The following MRPL30 variants were observed in gnomAD, a reference collection of about 807,000 sequenced individuals.
MRPL30 encodes the protein large ribosomal subunit protein uL30m.
MRPL30 carries 10 observed loss-of-function variants against 17.2 expected under a neutral mutation model. The observed-to-expected ratio is 0.58, with a 90% CI of 0.36 to 0.99. The LOEUF (loss-of-function observed/expected upper bound fraction) is 0.99, where lower values mean the gene tolerates loss of function less well. Among genes scored for constraint, MRPL30 ranks in the 50% least tolerant of loss-of-function variants. The probability of loss-of-function intolerance (pLI) is 0.01; values close to 1 mark genes in which losing one functional copy is unlikely to be tolerated. For synonymous variants in MRPL30, 61 were observed against 62.1 expected, an observed-to-expected ratio of 0.98 and a Z score of 0.08; for missense variants, 170 against 189.8, an observed-to-expected ratio of 0.90 and a Z score of 0.61.
chr2:99,182,411 C>T (rs933508739), intron 1 of MRPL30, among the ~76,000 whole-genome samples: 18 of 152,260 alleles, frequency 1.2e-4, no homozygotes, highest in African/African-American at 3.9e-4. Flanking sequence ...AAAAATTAGC[C>T]GGGCGTCCGG....
In MRPL30 at chr2:99,196,850, T is replaced by G. The variant is rs2093955950; in HGVS notation, c.*1145T>G. On this transcript the variant is annotated 3_prime_UTR_variant, in exon 6 of 6. Transcript: ENST00000338148. ...TGTGGATATGGGTTCATTTTATCCC[T>G]AAACTTAGTACCAAACCAGCATTTA... 6.6e-6 allele frequency: 1 copy of G among 152,250 alleles called. No individual in the cohort carries two copies. The highest frequency in any genetic ancestry group is 2.4e-5 in the African/African-American group (1 of 41,454). 9.4% of individuals were successfully genotyped at this position (152,250 alleles called of 1,614,324 possible). A position where few individuals can be genotyped will look rare whatever the true frequency, so the allele number is the denominator to read the frequency against.
At chr2:99,182,014 T>C (rs2093923679) in intron 1 of MRPL30, among the ~76,000 whole-genome samples, 1 of 150,858 alleles carries the variant, frequency 6.6e-6, no homozygotes, top group South Asian at 2.1e-4. Flanking sequence ...GAACTATCGG[T>C]CGCTGGGGGG....
rs2093953130 is a variant in MRPL30 at position 99,195,197 on chromosome 2, GT to G, written c.353+11del. On this transcript the variant is annotated intron_variant, in intron 5 of 5. Coordinates refer to ENST00000338148, the MANE Select transcript of MRPL30 (RefSeq NM_145212.4). ...AGTTAAGCATTTGATAAGGTTTGTT[GT>G]TTCTTCTCAGCTCTTTTTAAAATGT... 1.9e-6 allele frequency: 3 copies of G among 1,595,346 alleles called. No homozygotes were observed. Among genetic ancestry groups the G allele is most frequent in the Non-Finnish European group, 2.6e-6 (3 of 1,167,776 alleles).
At chr2:99,195,319 A>G in intron 5 of MRPL30, 130 bp downstream of exon 5, 1 of 898,602 alleles carries the variant, frequency 1.1e-6, no homozygotes, top group Non-Finnish European at 1.6e-6. Flanking sequence ...TTTTTTTTTA[A>G]TTGACACATA....
intron 3 of MRPL30, among the ~76,000 whole-genome samples, chr2:99,188,693 A>G (rs112379468): frequency 1.1e-4 from 17 of 152,138 alleles, no homozygotes; most frequent in African/African-American, 3.9e-4. Flanking sequence ...TAAGCCCGCC[A>G]TTGATTTTTG....
Position 99,195,030 on chromosome 2 carries a change from A to G in MRPL30, c.280-86A>G. The G allele has an allele frequency of 3.6e-6, 5 of 1,405,100 alleles. No individual in the cohort carries two copies. In the South Asian group the frequency reaches 7.2e-5, roughly 20 times the overall value. 87.0% of individuals were successfully genotyped at this position (1,405,100 alleles called of 1,614,324 possible). On this transcript the variant is annotated intron_variant, in intron 4 of 5. Coordinates refer to ENST00000338148, the MANE Select transcript of MRPL30 (RefSeq NM_145212.4). The stretch of plus-strand genomic sequence containing the variant: ...AATTTATTTATAAATTTGGCTTAGA[A>G]TGAACCTTCAATTTAACATTTTACT...
chr2:99,191,864 A>C (rs144028587), intron 3 of MRPL30, among the ~76,000 whole-genome samples: 38 of 152,116 alleles, frequency 2.5e-4, no homozygotes, highest in African/African-American at 8.9e-4. Flanking sequence ...GCTTTTTTCT[A>C]TATTAGCCAC....
rs1440442932 is a variant in MRPL30, at chr2:99,188,213, G to A, written c.88G>A (p.Asp30Asn). The A allele has an allele frequency of 6.2e-7, 1 of 1,607,574 alleles. No homozygotes were observed. The highest frequency in any genetic ancestry group is 1.7e-5 in the Admixed American group (1 of 58,496). Residue 30 changes from aspartate to asparagine, a missense_variant, in exon 3 of 6, where the codon GAT (aspartate) becomes AAT (asparagine). Asp to Asn is a conservative substitution (Grantham distance 23). Coordinates refer to ENST00000338148, the MANE Select transcript of MRPL30 (RefSeq NM_145212.4). Reference protein sequence around the residue: ...TKGVESLICTDWIRHKFTRSR... With the variant: ...TKGVESLICTNWIRHKFTRSR... ...AGGTGTGGAGTCTCTTATTTGTACA[G>A]ATTGGATTCGTCACAAATTCACCAG...
chr2:99,188,184 C>G lies in MRPL30; in HGVS notation c.59C>G (p.Thr20Arg), dbSNP rs541061970. The change falls in exon 3 of 6, where the codon ACA becomes AGA. Residue 20 changes from threonine (T) to arginine (R), a missense_variant. By Grantham distance (71) the Thr-to-Arg change is moderately conservative. Coordinates refer to ENST00000338148, the MANE Select transcript of MRPL30 (RefSeq NM_145212.4). Reference sequence around the variant, plus strand: ...ATTTATATCATATTTTAGACTGTGACAAAAGGTGTGGAGTCTCTTATTTGT... The same window carrying G: ...ATTTATATCATATTTTAGACTGTGAGAAAAGGTGTGGAGTCTCTTATTTGT... ...QWPPGRLQTV[T>R]KGVESLICTD... 6 of 1,591,892 alleles carry G rather than the reference C, an allele frequency of 3.8e-6. No individual in the cohort carries two copies. Among genetic ancestry groups the G allele is most frequent in the Non-Finnish European group, 5.1e-6 (6 of 1,171,206 alleles).
In MRPL30 at chr2:99,186,186, A is replaced by C; in HGVS notation, c.-18A>C. 6.2e-7 allele frequency: 1 copy of C among 1,613,254 alleles called. No individual in the cohort carries two copies. Among genetic ancestry groups the C allele is most frequent in the Non-Finnish European group, 8.5e-7 (1 of 1,179,242 alleles). ...TTCCTACTTCCCACAGCCTCTAAAG[A>C]GAGCAATCACTACACTTATGGCTGG... On this transcript the variant is annotated 5_prime_UTR_variant, in exon 2 of 6. Coordinates refer to ENST00000338148, the MANE Select transcript of MRPL30 (RefSeq NM_145212.4).
rs1002468559 is a variant in MRPL30, at chr2:99,198,421, A to G, written c.*2716A>G. On this transcript the variant is annotated 3_prime_UTR_variant, in exon 6 of 6. Coordinates refer to ENST00000338148, the MANE Select transcript of MRPL30 (RefSeq NM_145212.4). Reference sequence around the variant, plus strand: ...TTCATGGCAAGTTGCTTCTTCCAAAACCAGCATTGGAGACAGACTAGCAAG... The same window carrying G: ...TTCATGGCAAGTTGCTTCTTCCAAAGCCAGCATTGGAGACAGACTAGCAAG... Among the ~76,000 whole-genome samples the G allele has an allele frequency of 6.6e-6, 1 of 152,126 alleles. No individual in the cohort carries two copies. The highest frequency in any genetic ancestry group is 2.4e-5 in the African/African-American group (1 of 41,424).
At chr2:99,187,524 A>G (rs1375940536) in intron 2 of MRPL30, among the ~76,000 whole-genome samples, 1 of 152,212 alleles carries the variant, frequency 6.6e-6, no homozygotes, top group Admixed American at 6.5e-5. Context: ...TAACAGTTTT[A>G]TTGAAAAATA....
In MRPL30 at chr2:99,188,163, A is replaced by G; in HGVS notation, c.52-14A>G. 4 of 1,555,314 alleles carry G rather than the reference A, an allele frequency of 2.6e-6. No individual in the cohort carries two copies. Among genetic ancestry groups the G allele is most frequent in the African/African-American group, 2.8e-5 (2 of 72,548 alleles). Reference sequence around the variant, plus strand: ...CAGAATTCTAAAAAACAAATGATTTATATCATATTTTAGACTGTGACAAAA... The same window carrying G: ...CAGAATTCTAAAAAACAAATGATTTGTATCATATTTTAGACTGTGACAAAA... On this transcript the variant is annotated splice_polypyrimidine_tract_variant and intron_variant, in intron 2 of 5. Transcript: ENST00000338148.
At chr2:99,194,956 T>C in intron 4 of MRPL30, 59 bp downstream of exon 4, 1 of 1,455,246 alleles carries the variant, frequency 6.9e-7, no homozygotes, top group Non-Finnish European at 9.2e-7. Flanking sequence ...TTTTATACTT[T>C]TAAAACTTTG....
intron 1 of MRPL30, among the ~76,000 whole-genome samples, chr2:99,184,796 GAGGTCTGGCTGTCTTC>G: frequency 6.6e-6 from 1 of 152,208 alleles, no homozygotes; most frequent in Non-Finnish European, 1.5e-5. Context: ...GAATGTTTCT[GAGGTCTGGCTGTCTTC>G]AGGAGATGTC....
intron 1 of MRPL30, among the ~76,000 whole-genome samples, chr2:99,182,565 A>G (rs1465025922): frequency 6.6e-6 from 1 of 152,262 alleles, no homozygotes; most frequent in African/African-American, 2.4e-5. Flanking sequence ...AAAAAAATAA[A>G]TAAGATAAAA....
chr2:99,183,259 G>A (rs1308079843), intron 1 of MRPL30, among the ~76,000 whole-genome samples: 2 of 152,114 alleles, frequency 1.3e-5, no homozygotes. Context: ...GTACTACAAA[G>A]ACATGAGAGG....
chr2:99,198,305 C>G lies in MRPL30; in HGVS notation c.*2600C>G, dbSNP rs577956595. Reference sequence around the variant, plus strand: ...CTCAGTGCTGGAAAAACGTGTCTGGCCAGGTGCTCATTGTAGCTTTGACAG... The same window carrying G: ...CTCAGTGCTGGAAAAACGTGTCTGGGCAGGTGCTCATTGTAGCTTTGACAG... On this transcript the variant is annotated 3_prime_UTR_variant, in exon 6 of 6. Coordinates refer to ENST00000338148, the MANE Select transcript of MRPL30 (RefSeq NM_145212.4). 6.6e-6 allele frequency among the ~76,000 whole-genome samples: 1 copy of G among 152,264 alleles called. No homozygotes were observed. Among genetic ancestry groups the G allele is most frequent in the East Asian group, 1.9e-4 (1 of 5,178 alleles).
intron 3 of MRPL30, 63 bp from the exon 4 acceptor site, chr2:99,194,688 A>G (rs2093952162): frequency 8.3e-6 from 12 of 1,442,674 alleles, no homozygotes; most frequent in Non-Finnish European, 1.1e-5. Flanking sequence ...TTAAGAAAAA[A>G]TGGGAGGTAC....
Sources: gnomAD v4.1 joint callset for allele counts (sites outside exome capture counted in the v4.1 genomes callset) on GRCh38, gnomAD v4.1.1 for gene constraint, MANE v1.5 for transcripts, NCBI Gene and HGNC (gene_info 2026-07-23, HGNC 2026-07-21) for gene names.